NEGR1: variants seen among roughly 807,000 people sequenced by gnomAD.
The protein encoded by NEGR1 is neuronal growth regulator 1.
A neutral mutation model predicts 40.9 loss-of-function variants in NEGR1; 10 were observed. The ratio of observed to expected loss-of-function variants is 0.24; its 90% CI spans 0.15 to 0.42. The LOEUF (loss-of-function observed/expected upper bound fraction) is 0.42. NEGR1 is among the 10% of genes least tolerant of loss of function. The pLI, the probability that NEGR1 is intolerant of heterozygous loss-of-function variation, is 1.00. For synonymous variants in NEGR1, 185 were observed against 166.8 expected (o/e 1.11, Z -0.84); for missense variants, 352 against 438.9 (o/e 0.80, Z 1.77).
In NEGR1 at chr1:71,621,702, C is replaced by G. The variant is rs150406159; in HGVS notation, c.668-10556G>C. Among the ~76,000 whole-genome samples the G allele has an allele frequency of 5.5e-3, 840 of 151,956 alleles. 5 individuals are homozygous for G. The highest frequency in any genetic ancestry group is 0.019 in the African/African-American group (794 of 41,514). ...GAATGAAATCTCCAGCACTAACTCCCTAAACCCTCAATAACAATCTGTTCA... is the reference window on the plus strand; with the variant it reads ...GAATGAAATCTCCAGCACTAACTCCGTAAACCCTCAATAACAATCTGTTCA... On this transcript the variant is annotated intron_variant, in intron 4 of 6. Transcript: ENST00000357731.
chr1:71,474,064 A>T (rs972927939), intron 6 of NEGR1, among the ~76,000 whole-genome samples: 2 of 151,998 alleles, frequency 1.3e-5, no homozygotes, highest in Non-Finnish European at 2.9e-5. Flanking sequence ...CATTGGGTTA[A>T]CACAACTATC....
intron 6 of NEGR1, among the ~76,000 whole-genome samples, chr1:71,534,875 A>G (rs1647465051): frequency 1.3e-5 from 2 of 151,644 alleles, no homozygotes. Context: ...CCCAAATTCC[A>G]TTATTTATAA....
chr1:72,108,803 T>C (rs1441529369), intron 1 of NEGR1, among the ~76,000 whole-genome samples: 1 of 151,638 alleles, frequency 6.6e-6, no homozygotes, highest in East Asian at 1.9e-4. Flanking sequence ...TCTGCCCATG[T>C]TGCTCTTTTC....
chr1:71,818,944 T>C (rs1335798224), intron 2 of NEGR1, among the ~76,000 whole-genome samples: 1 of 152,010 alleles, frequency 6.6e-6, no homozygotes, highest in Non-Finnish European at 1.5e-5. Flanking sequence ...ATTATATTTC[T>C]ATTGTACAAT....
chr1:71,916,805 C>A (rs1661598767), intron 2 of NEGR1, among the ~76,000 whole-genome samples: 1 of 152,052 alleles, frequency 6.6e-6, no homozygotes, highest in African/African-American at 2.4e-5. Flanking sequence ...TCTTTCAATT[C>A]CAAGTGCATA....
rs188017701 is a variant in NEGR1 at position 72,101,499 on chromosome 1, T to A, written c.177-166188A>T. Among the ~76,000 whole-genome samples the A allele has an allele frequency of 6.2e-3, 944 of 152,262 alleles. 10 individuals are homozygous for A. Among genetic ancestry groups the A allele is most frequent in the African/African-American group, 0.022 (900 of 41,558 alleles). ...CAAATTACTAGGTATGTATTCCTAT[T>A]TCAGGGTGCAATTTTGCACCAAATA... is the stretch of plus-strand genomic sequence containing the variant. On this transcript the variant is annotated intron_variant, in intron 1 of 6. Coordinates refer to ENST00000357731, the MANE Select transcript of NEGR1 (RefSeq NM_173808.3).
intron 6 of NEGR1, among the ~76,000 whole-genome samples, chr1:71,507,668 A>G (rs1647044569): frequency 6.6e-6 from 1 of 152,200 alleles, no homozygotes; most frequent in Non-Finnish European, 1.5e-5. Flanking sequence ...ACTGCTGGGA[A>G]TGTGGTCAAA....
In NEGR1 at chr1:71,720,683, T is replaced by G. The variant is rs1654478875; in HGVS notation, c.536-22544A>C. 2.0e-5 allele frequency among the ~76,000 whole-genome samples: 3 copies of G among 152,144 alleles called. No individual in the cohort carries two copies. The South Asian group carries it at 6.2e-4, about 31-fold the overall frequency. ...CATGATTTTTTTTCTTTGATAAATT[T>G]GTCAGACCTAAGGAACTCATAGCGA... On this transcript the variant is annotated intron_variant, in intron 3 of 6. Transcript: ENST00000357731.
At chr1:71,561,160 G>C (rs1339646984) in intron 6 of NEGR1, among the ~76,000 whole-genome samples, 1 of 151,584 alleles carries the variant, frequency 6.6e-6, no homozygotes, top group Non-Finnish European at 1.5e-5. Context: ...GACAGTCCCA[G>C]CCTCCTGCTA....
rs1019094723 is a variant in NEGR1, at chr1:71,632,324, AT to A, written c.668-21179del. ...TTTTAATAAAATTTTATTAAAAACA[AT>A]TAACTTGCCATCAGCTGACAACTTT... On this transcript the variant is annotated intron_variant, in intron 4 of 6. Coordinates refer to ENST00000357731, the MANE Select transcript of NEGR1 (RefSeq NM_173808.3). 9.8e-4 allele frequency among the ~76,000 whole-genome samples: 148 copies of A among 151,346 alleles called. No individual in the cohort carries two copies. In the Middle Eastern group the frequency reaches 0.017, roughly 18 times the overall value.
intron 1 of NEGR1, among the ~76,000 whole-genome samples, chr1:72,026,472 A>G (rs1646811023): frequency 6.6e-6 from 1 of 152,020 alleles, no homozygotes; most frequent in South Asian, 2.1e-4. Context: ...TTAAAATATA[A>G]TTCTTAAAAT....
intron 2 of NEGR1, among the ~76,000 whole-genome samples, chr1:71,802,091 A>G (rs1348329569): frequency 6.6e-6 from 1 of 152,210 alleles, no homozygotes; most frequent in Non-Finnish European, 1.5e-5. Flanking sequence ...CTTAAAAATA[A>G]TAAACTTAGA....
intron 1 of NEGR1, among the ~76,000 whole-genome samples, chr1:71,982,771 C>T (rs1032155214): frequency 2.0e-5 from 3 of 152,078 alleles, no homozygotes; most frequent in East Asian, 1.9e-4. Context: ...AGAGTGCCTG[C>T]CACAAACATT....
chr1:71,499,154 G>T (rs2101397938), intron 6 of NEGR1, among the ~76,000 whole-genome samples: 1 of 152,182 alleles, frequency 6.6e-6, no homozygotes, highest in South Asian at 2.1e-4. Flanking sequence ...CTGTCATTAG[G>T]TGTCTAACAG....
chr1:71,639,662 C>G (rs1464654852), intron 4 of NEGR1, among the ~76,000 whole-genome samples: 2 of 152,038 alleles, frequency 1.3e-5, no homozygotes, highest in Non-Finnish European at 2.9e-5. Flanking sequence ...ATTAGAGTCA[C>G]CAGCCATTAC....
chr1:72,235,175 A>G (rs2100504594), intron 1 of NEGR1, among the ~76,000 whole-genome samples: 1 of 152,282 alleles, frequency 6.6e-6, no homozygotes, highest in South Asian at 2.1e-4. Context: ...GGAGAAAGGT[A>G]TCACCGCAAA....
chr1:71,976,001 C>T (rs1470381715), intron 1 of NEGR1, among the ~76,000 whole-genome samples: 1 of 152,128 alleles, frequency 6.6e-6, no homozygotes, highest in Non-Finnish European at 1.5e-5. Context: ...ATCATCAAGC[C>T]CAATGCTTCA....
intron 1 of NEGR1, among the ~76,000 whole-genome samples, chr1:72,091,543 A>G (rs554819306): frequency 2.4e-4 from 37 of 152,080 alleles, no homozygotes; most frequent in African/African-American, 8.9e-4. Flanking sequence ...AGAGCCAGGA[A>G]TGAATACATA....
Position 71,451,172 on chromosome 1 carries a change from T to A in NEGR1, c.941-43602A>T, listed in dbSNP as rs2101328359. Among the ~76,000 whole-genome samples the A allele has an allele frequency of 1.3e-5, 2 of 152,290 alleles. 1 individual carries two copies. Among genetic ancestry groups the A allele is most frequent in the South Asian group, 4.1e-4 (2 of 4,828 alleles). On this transcript the variant is annotated intron_variant, in intron 6 of 6. Coordinates refer to ENST00000357731, the MANE Select transcript of NEGR1 (RefSeq NM_173808.3). ...CCCTTAAGTAGGGCAGACAGGCTTG[T>A]TCAAAACAGAAGCTTTAATATCATC... is the stretch of plus-strand genomic sequence containing the variant.
Sources: allele counts gnomAD v4.1 joint callset (sites outside exome capture counted in the v4.1 genomes callset), GRCh38; gene constraint gnomAD v4.1.1; transcripts MANE v1.5; gene names NCBI Gene and HGNC (gene_info 2026-07-23, HGNC 2026-07-21).